Variants in PCDHGA9 observed in about 807,000 individuals in gnomAD.
PCDHGA9 encodes the protein protocadherin gamma-A9.
A neutral mutation model predicts 62.5 loss-of-function variants in PCDHGA9; 37 were observed. The ratio of observed to expected loss-of-function variants is 0.59; its 90% CI spans 0.46 to 0.78. The LOEUF is 0.78. Ranked by LOEUF, PCDHGA9 falls within the 30% of genes least tolerant of loss-of-function variation. PCDHGA9 has a pLI of 0.00. For missense variants in PCDHGA9, 1,138 were observed against 1,166.2 expected, an observed-to-expected ratio of 0.98 and a Z score of 0.35; for synonymous variants, 459 against 484.6, an observed-to-expected ratio of 0.95 and a Z score of 0.69.
At chr5:141,414,458 C>T (rs2095749873) in intron 1 of PCDHGA9, 9 of 1,613,698 alleles carry the variant, frequency 5.6e-6, no homozygotes, top group Non-Finnish European at 6.8e-6. Flanking sequence ...ACAGTGACAG[C>T]CACAGATGGG....
intron 1 of PCDHGA9, chr5:141,441,834 C>T (rs370689467): frequency 2.6e-5 from 9 of 352,638 alleles, no homozygotes; most frequent in Non-Finnish European, 3.9e-5. Flanking sequence ...GCAATGGCTT[C>T]GCGCTCTTGG....
In PCDHGA9 at chr5:141,419,984, C is replaced by A. The variant is rs918632592; in HGVS notation, c.2424+14608C>A. ...TGTGCTCTTTCTCCTCGCGGTGATT[C>A]TAGCTATTGCTCTACGCCTGCGACA... On this transcript the variant is annotated intron_variant, in intron 1 of 3. Transcript: ENST00000573521. 27 of 1,613,962 alleles carry A rather than the reference C, an allele frequency of 1.7e-5. No individual in the cohort carries two copies. The highest frequency in any genetic ancestry group is 2.2e-5 in the Non-Finnish European group (26 of 1,179,912).
intron 2 of PCDHGA9, among the ~76,000 whole-genome samples, chr5:141,499,112 A>G (rs550424495): frequency 6.6e-6 from 1 of 152,238 alleles, no homozygotes; most frequent in African/African-American, 2.4e-5. Context: ...CCCCACCACT[A>G]TCCCTTCTCA....
At chr5:141,415,597 A>G (rs1206125540) in intron 1 of PCDHGA9, 2 of 1,613,800 alleles carry the variant, frequency 1.2e-6, no homozygotes, top group South Asian at 1.1e-5. Flanking sequence ...TATAGAGGAT[A>G]CCCCATTGGT....
At chr5:141,444,813 T>A (rs1382814369) in intron 1 of PCDHGA9, among the ~76,000 whole-genome samples, 3 of 152,228 alleles carry the variant, frequency 2.0e-5, no homozygotes, top group African/African-American at 4.8e-5. Flanking sequence ...AATAGCACAC[T>A]GTCTCAATTA....
intron 1 of PCDHGA9, among the ~76,000 whole-genome samples, chr5:141,425,111 A>G (rs2096857405): frequency 6.6e-6 from 1 of 152,144 alleles, no homozygotes; most frequent in Admixed American, 6.5e-5. Context: ...AGATGCCTAC[A>G]TTTTTCTTGA....
At chr5:141,460,985 A>G (rs553462661) in intron 1 of PCDHGA9, among the ~76,000 whole-genome samples, 245 of 91,804 alleles carry the variant, frequency 2.7e-3, no homozygotes, top group Middle Eastern at 5.0e-3. Context: ...GTGTGTGTGT[A>G]TATATATATA....
In PCDHGA9 at chr5:141,404,485, T is replaced by C. The variant is rs780359921; in HGVS notation, c.1533T>C (p.Thr511=). Residue 511 remains threonine, a synonymous_variant, in exon 1 of 4, where the codon ACT becomes ACC. Transcript: ENST00000573521. ...LSTYVSINSD[T]GVLYALCSFD... is the part of the protein sequence containing the mutation. ...CCTATGTCTCTATTAACTCAGACAC[T>C]GGTGTGCTGTATGCTCTGTGCTCCT... 1.2e-6 allele frequency: 2 copies of C among 1,613,490 alleles called. No individual in the cohort carries two copies. The highest frequency in any genetic ancestry group is 1.7e-5 in the Admixed American group (1 of 60,012).
Position 141,476,540 on chromosome 5 carries a change from T to C in PCDHGA9, c.2425-18267T>C, listed in dbSNP as rs148362631. On this transcript the variant is annotated intron_variant, in intron 1 of 3. Coordinates refer to ENST00000573521, the MANE Select transcript of PCDHGA9 (RefSeq NM_018921.3). The surrounding 1 kb of genome is among the most constrained non-coding windows in gnomAD (Gnocchi z 7.6). Reference sequence around the variant, plus strand: ...TGCTTTCCCTACCCAGGAAATGAAATTGGAGATTAGCGAGGCCGTGGCTCC... The same window carrying C: ...TGCTTTCCCTACCCAGGAAATGAAACTGGAGATTAGCGAGGCCGTGGCTCC... 9.4e-5 allele frequency: 151 copies of C among 1,614,122 alleles called. 1 individual carries two copies. In the African/African-American group the frequency reaches 1.3e-3, roughly 14 times the overall value.
intron 1 of PCDHGA9, chr5:141,430,896 G>A: frequency 6.2e-7 from 1 of 1,606,012 alleles, no homozygotes; most frequent in Admixed American, 1.7e-5. Context: ...TCTAGGGTGG[G>A]CGACATCTCC....
In PCDHGA9 at chr5:141,404,186, C is replaced by G; in HGVS notation, c.1234C>G (p.Arg412Gly). 6.2e-7 allele frequency: 1 copy of G among 1,613,086 alleles called. No individual in the cohort carries two copies. Among genetic ancestry groups the G allele is most frequent in the Non-Finnish European group, 8.5e-7 (1 of 1,179,494 alleles). ...YRLLTAQILD[R>G]EKASEYNITV... is the part of the protein sequence containing the mutation. ...ATTGTTGACGGCCCAAATTCTTGAC[C>G]GAGAAAAAGCCTCAGAATATAATAT... is the stretch of plus-strand genomic sequence containing the variant. Residue 412 changes from arginine (R) to glycine (G), a missense_variant, in exon 1 of 4, where the codon CGA (arginine) becomes GGA (glycine). Coordinates refer to ENST00000573521, the MANE Select transcript of PCDHGA9 (RefSeq NM_018921.3).
At chr5:141,426,581 CCT>C (rs898552856) in intron 1 of PCDHGA9, 1 of 358,350 alleles carries the variant, frequency 2.8e-6, no homozygotes, top group Non-Finnish European at 5.6e-6. Flanking sequence ...TCTTCAAAAT[CCT>C]CTGTGTCATA....
At chr5:141,448,730 G>A (rs1419700194) in intron 1 of PCDHGA9, among the ~76,000 whole-genome samples, 1 of 152,072 alleles carries the variant, frequency 6.6e-6, no homozygotes, top group African/African-American at 2.4e-5. Context: ...CACGAGGTCA[G>A]GAGATCGAGA....
At position 141,481,036 on chromosome 5, in the gene PCDHGA9, C is replaced by T. The variant is rs1040377549; in HGVS notation, c.2425-13771C>T. Among the ~76,000 whole-genome samples, 19 of 151,964 alleles carry T rather than the reference C, an allele frequency of 1.3e-4. 1 individual carries two copies. The highest frequency in any genetic ancestry group is 3.4e-4 in the African/African-American group (14 of 41,456). ...TCACACCACTGCACTCCAGCCTGGG[C>T]GACAGAGCGAGACTCCACCTCAAAA... is the stretch of plus-strand genomic sequence containing the variant. On this transcript the variant is annotated intron_variant, in intron 1 of 3. Transcript: ENST00000573521.
chr5:141,422,400 G>A (rs1207332302), intron 1 of PCDHGA9: 3 of 1,598,664 alleles, frequency 1.9e-6, no homozygotes, highest in South Asian at 2.3e-5. Context: ...CTAACCACCT[G>A]CCTTTTAAAT....
At chr5:141,410,693 A>C in intron 1 of PCDHGA9, 1 of 1,496,902 alleles carries the variant, frequency 6.7e-7, no homozygotes, top group Non-Finnish European at 8.9e-7. Flanking sequence ...ATACTACTTT[A>C]TTTTCATATC....
rs71576115 is a variant in PCDHGA9, at chr5:141,463,438, CTTTT to C, written c.2425-31344_2425-31341del. Among the ~76,000 whole-genome samples, 12 of 103,242 alleles carry C rather than the reference CTTTT, an allele frequency of 1.2e-4. No homozygotes were observed. In the South Asian group the frequency reaches 1.6e-3, roughly 14 times the overall value. 67.7% of individuals were successfully genotyped at this position (103,242 alleles called of 152,430 possible). ...GTTTGCGGATCCTCATTTCCTTCTCCTTTTTTTTTTTTTTTTTTTTTTTTTTTTG... is the reference window on the plus strand; with the variant it reads ...GTTTGCGGATCCTCATTTCCTTCTCCTTTTTTTTTTTTTTTTTTTTTTTTG... On this transcript the variant is annotated intron_variant, in intron 1 of 3. Coordinates refer to ENST00000573521, the MANE Select transcript of PCDHGA9 (RefSeq NM_018921.3).
intron 1 of PCDHGA9, among the ~76,000 whole-genome samples, chr5:141,482,329 T>C (rs1334833454): frequency 6.6e-6 from 1 of 152,160 alleles, no homozygotes; most frequent in Non-Finnish European, 1.5e-5. Context: ...ATAAAGAGAA[T>C]ATCTACTTTG....
In PCDHGA9 at chr5:141,432,452, C is replaced by T. The variant is rs780149710; in HGVS notation, c.2424+27076C>T. 3.7e-6 allele frequency: 6 copies of T among 1,614,094 alleles called. No homozygotes were observed. The highest frequency in any genetic ancestry group is 1.6e-4 in the Middle Eastern group (1 of 6,082). On this transcript the variant is annotated intron_variant, in intron 1 of 3. Coordinates refer to ENST00000573521, the MANE Select transcript of PCDHGA9 (RefSeq NM_018921.3). The surrounding 1 kb of genome is among the most constrained non-coding windows in gnomAD (Gnocchi z 6.0). ...CGACAATGCGCCCGAGATCCTGTACCCCGCCCTCCCCACGGACGGTTCCAC... is the reference window on the plus strand; with the variant it reads ...CGACAATGCGCCCGAGATCCTGTACTCCGCCCTCCCCACGGACGGTTCCAC...
Sources: allele counts gnomAD v4.1 joint callset (sites outside exome capture counted in the v4.1 genomes callset), GRCh38; gene constraint gnomAD v4.1.1; non-coding constraint Gnocchi (gnomAD v3.1); transcripts MANE v1.5; gene names NCBI Gene and HGNC (gene_info 2026-07-23, HGNC 2026-07-21).